The following ENOX1 variants were observed in gnomAD, a reference collection of about 807,000 sequenced individuals.
The protein encoded by ENOX1 is ecto-NOX disulfide-thiol exchanger 1.
A neutral mutation model predicts 82.5 loss-of-function variants in ENOX1; 42 were observed. That is an observed-to-expected ratio of 0.51 (90% CI 0.40 to 0.66). The LOEUF (loss-of-function observed/expected upper bound fraction) is 0.66, where lower values mean the gene tolerates loss of function less well. Ranked by LOEUF, ENOX1 falls within the 30% of genes least tolerant of loss-of-function variation. ENOX1 has a pLI of 0.00. For missense variants in ENOX1, 608 were observed against 811.6 expected (o/e 0.75, Z 3.05); for synonymous variants, 271 against 282.2 (o/e 0.96, Z 0.40).
rs112812262 is a variant in ENOX1 at position 43,571,879 on chromosome 13, A to G, written c.-218-87727T>C. Reference sequence around the variant, plus strand: ...TTGCTATTGTGTGTGTGTATATATCAGACAAGCGGTGGGGCGGTGGGGGTG... The same window carrying G: ...TTGCTATTGTGTGTGTGTATATATCGGACAAGCGGTGGGGCGGTGGGGGTG... On this transcript the variant is annotated intron_variant, in intron 2 of 16. Coordinates refer to ENST00000690772, the MANE Select transcript of ENOX1 (RefSeq NM_001347969.2). Among the ~76,000 whole-genome samples, 862 of 152,216 alleles carry G rather than the reference A, an allele frequency of 5.7e-3. 9 individuals are homozygous for G. Among genetic ancestry groups the G allele is most frequent in the African/African-American group, 0.02 (827 of 41,552 alleles).
intron 5 of ENOX1, among the ~76,000 whole-genome samples, chr13:43,389,949 A>T (rs545115664): frequency 2.0e-5 from 3 of 152,268 alleles, no homozygotes; most frequent in Admixed American, 2.0e-4. Context: ...AACAAAAAAA[A>T]TTTTTTGGTC....
chr13:43,703,804 T>C (rs770774933), intron 1 of ENOX1, among the ~76,000 whole-genome samples: 49 of 152,152 alleles, frequency 3.2e-4, no homozygotes, highest in Non-Finnish European at 5.7e-4. Context: ...CTTTAGAAGC[T>C]ATTTCTTTAT....
chr13:43,614,094 A>G (rs958054919), intron 2 of ENOX1, among the ~76,000 whole-genome samples: 6 of 152,012 alleles, frequency 3.9e-5, no homozygotes, highest in Non-Finnish European at 5.9e-5. Context: ...GACAATAAAA[A>G]CTCCTATCTC....
intron 5 of ENOX1, among the ~76,000 whole-genome samples, chr13:43,376,070 TAGC>T (rs2153571351): frequency 6.6e-6 from 1 of 152,346 alleles, no homozygotes; most frequent in African/African-American, 2.4e-5. Flanking sequence ...TTTGCCAGAA[TAGC>T]AGAAAAGAAA....
intron 2 of ENOX1, among the ~76,000 whole-genome samples, chr13:43,577,542 A>T (rs184316054): frequency 6.6e-6 from 1 of 152,342 alleles, no homozygotes; most frequent in East Asian, 1.9e-4. Flanking sequence ...CTGTGTCCTC[A>T]TGTGGCGGAA....
intron 2 of ENOX1, among the ~76,000 whole-genome samples, chr13:43,646,312 C>T (rs978742896): frequency 6.6e-6 from 1 of 152,242 alleles, no homozygotes; most frequent in Non-Finnish European, 1.5e-5. Context: ...AGACTCCTCA[C>T]TGCTCTTGAC....
chr13:43,466,645 T>C (rs1051392964), intron 3 of ENOX1, among the ~76,000 whole-genome samples: 3 of 152,338 alleles, frequency 2.0e-5, no homozygotes, highest in Non-Finnish European at 4.4e-5. Flanking sequence ...TTATTGGAGA[T>C]ATAATTTATA....
At chr13:43,505,804 T>C (rs1166126954) in intron 2 of ENOX1, among the ~76,000 whole-genome samples, 2 of 152,150 alleles carry the variant, frequency 1.3e-5, no homozygotes, top group Non-Finnish European at 2.9e-5. Context: ...GCTTTTGGTG[T>C]TTTAGACATG....
At chr13:43,386,570 T>C (rs1336593183) in intron 5 of ENOX1, among the ~76,000 whole-genome samples, 1 of 152,196 alleles carries the variant, frequency 6.6e-6, no homozygotes, top group East Asian at 1.9e-4. Context: ...AGAGAGTCAA[T>C]TGAAACTAAT....
chr13:43,707,561 T>C (rs1042574473), intron 1 of ENOX1, among the ~76,000 whole-genome samples: 2 of 151,818 alleles, frequency 1.3e-5, no homozygotes, highest in South Asian at 2.1e-4. Flanking sequence ...GGTGAAACCC[T>C]GTCTCTACTA....
chr13:43,448,203 C>A (rs1031141831), intron 3 of ENOX1, among the ~76,000 whole-genome samples: 1 of 152,224 alleles, frequency 6.6e-6, no homozygotes, highest in South Asian at 2.1e-4. Flanking sequence ...TTAGTTGGAA[C>A]AGGCAATTGC....
intron 2 of ENOX1, among the ~76,000 whole-genome samples, chr13:43,596,184 G>C (rs1310506805): frequency 2.6e-5 from 4 of 152,062 alleles, no homozygotes; most frequent in South Asian, 2.1e-4. Flanking sequence ...CACCATTTAG[G>C]GCATGTTAAC....
chr13:43,269,869 T>C (rs2044588683), intron 12 of ENOX1, among the ~76,000 whole-genome samples: 1 of 152,244 alleles, frequency 6.6e-6, no homozygotes, highest in African/African-American at 2.4e-5. Context: ...AGGATAGTGC[T>C]AATACATTAC....
intron 1 of ENOX1, among the ~76,000 whole-genome samples, chr13:43,759,840 A>C (rs1280241491): frequency 2.6e-5 from 4 of 152,208 alleles, no homozygotes; most frequent in Non-Finnish European, 5.9e-5. Context: ...GGGCATATCC[A>C]CCCACCCATC....
At chr13:43,463,134 C>T (rs1430730539) in intron 3 of ENOX1, among the ~76,000 whole-genome samples, 1 of 152,186 alleles carries the variant, frequency 6.6e-6, no homozygotes, top group African/African-American at 2.4e-5. Flanking sequence ...ATCCCACACG[C>T]TAGCAAATGA....
At chr13:43,538,110 G>C (rs1411218065) in intron 2 of ENOX1, among the ~76,000 whole-genome samples, 1 of 152,238 alleles carries the variant, frequency 6.6e-6, no homozygotes, top group Non-Finnish European at 1.5e-5. Flanking sequence ...ATCTGATCAG[G>C]CTGCCTCTGA....
chr13:43,449,554 AT>A (rs1257505379), intron 3 of ENOX1, among the ~76,000 whole-genome samples: 1 of 152,218 alleles, frequency 6.6e-6, no homozygotes, highest in Non-Finnish European at 1.5e-5. Context: ...TGTTAAACAA[AT>A]TTTAATTTCT....
At chr13:43,416,142 G>A (rs4942226) in intron 3 of ENOX1, among the ~76,000 whole-genome samples, 2 of 133,142 alleles carry the variant, frequency 1.5e-5, no homozygotes, top group African/African-American at 3.1e-5. Context: ...GCCAGGCAGA[G>A]GCGCTCCTCA....
chr13:43,754,335 A>AT (rs1555376504), intron 1 of ENOX1, among the ~76,000 whole-genome samples: 12 of 143,442 alleles, frequency 8.4e-5, no homozygotes, highest in East Asian at 2.0e-4. Context: ...ATATATATAT[A>AT]TATTATTATT....
Sources: gnomAD v4.1 joint callset for allele counts (sites outside exome capture counted in the v4.1 genomes callset) on GRCh38, gnomAD v4.1.1 for gene constraint, MANE v1.5 for transcripts, NCBI Gene and HGNC (gene_info 2026-07-23, HGNC 2026-07-21) for gene names.